The following HS3ST4 variants were observed in gnomAD, a reference collection of about 807,000 sequenced individuals.
HS3ST4 encodes heparan sulfate-glucosamine 3-sulfotransferase 4.
In HS3ST4, 17 loss-of-function variants were observed where a neutral mutation model predicts 29.2. The observed-to-expected ratio is 0.58, with a 90% CI of 0.40 to 0.87. The LOEUF (loss-of-function observed/expected upper bound fraction) is 0.87, where lower values mean the gene tolerates loss of function less well. HS3ST4 is among the 40% of genes least tolerant of loss of function. HS3ST4 has a pLI of 0.00. For synonymous variants in HS3ST4, 314 were observed against 285.7 expected (o/e 1.10, Z -1.00); for missense variants, 627 against 634.5 (o/e 0.99, Z 0.13).
At chr16:25,729,307 T>A (rs7196216) in intron 1 of HS3ST4, among the ~76,000 whole-genome samples, 29,306 of 152,048 alleles carry the variant, frequency 0.19, 3,616 homozygotes, top group East Asian at 0.54. Flanking sequence ...AATCTTGTGG[T>A]TTCCTGCATT....
chr16:26,073,914 A>G (rs111585933), intron 1 of HS3ST4, among the ~76,000 whole-genome samples: 3,400 of 152,292 alleles, frequency 0.022, 141 homozygotes, highest in African/African-American at 0.076. Context: ...TGAATAAGAC[A>G]AAGTGTAATT....
At chr16:25,767,810 G>A (rs1184856150) in intron 1 of HS3ST4, among the ~76,000 whole-genome samples, 2 of 152,202 alleles carry the variant, frequency 1.3e-5, no homozygotes, top group East Asian at 3.8e-4. Flanking sequence ...CCCATACTCA[G>A]GGTTGCACAG....
intron 1 of HS3ST4, among the ~76,000 whole-genome samples, chr16:26,094,065 A>G (rs1898893423): frequency 6.6e-6 from 1 of 152,194 alleles, no homozygotes; most frequent in African/African-American, 2.4e-5. Context: ...GGTTAGAGAG[A>G]AAAGAGTAAA....
At chr16:25,758,379 C>G (rs1179489940) in intron 1 of HS3ST4, among the ~76,000 whole-genome samples, 2 of 152,188 alleles carry the variant, frequency 1.3e-5, no homozygotes, top group Non-Finnish European at 2.9e-5. Context: ...ATTGCCATAG[C>G]TTTGTAGTTT....
At chr16:25,811,766 G>T (rs531252786) in intron 1 of HS3ST4, among the ~76,000 whole-genome samples, 2 of 152,008 alleles carry the variant, frequency 1.3e-5, no homozygotes, top group African/African-American at 4.8e-5. Context: ...TTACTTTATT[G>T]TAAGAATACA....
intron 1 of HS3ST4, among the ~76,000 whole-genome samples, chr16:25,819,453 C>A (rs890849939): frequency 2.6e-5 from 4 of 152,124 alleles, no homozygotes; most frequent in Non-Finnish European, 5.9e-5. Context: ...CAGATTTCCC[C>A]CTGGAAGTCT....
In HS3ST4 at chr16:26,135,640, C is replaced by G; in HGVS notation, c.763C>G (p.Gln255Glu). The G allele has an allele frequency of 6.2e-7, 1 of 1,609,352 alleles. No individual in the cohort carries two copies. The highest frequency in any genetic ancestry group is 1.1e-5 in the South Asian group (1 of 89,930). The part of the protein sequence containing the change: ...RNVMPKTLDG[Q>E]ITMEKTPSYF... ...TGTGATGCCCAAGACTTTGGATGGG[C>G]AAATAACCATGGAGAAGACTCCAAG... Residue 255 changes from glutamine to glutamate, a missense_variant, in exon 2 of 2, where the codon CAA (glutamine) becomes GAA (glutamate). Gln to Glu is a conservative substitution (Grantham distance 29). This residue lies in a region of HS3ST4 where 225 missense variants were observed against 293.7 expected (regional missense o/e 0.77). Transcript: ENST00000331351.
chr16:25,743,362 C>T (rs539652147), intron 1 of HS3ST4, among the ~76,000 whole-genome samples: 1 of 152,280 alleles, frequency 6.6e-6, no homozygotes, highest in East Asian at 1.9e-4. Flanking sequence ...ACATATAAAG[C>T]ACTCAGAATA....
chr16:26,136,090 G>T lies in HS3ST4; in HGVS notation c.1213G>T (p.Ala405Ser), dbSNP rs1333774695. Residue 405 changes from alanine to serine, a missense_variant, in exon 2 of 2, where the codon GCC becomes TCC. Coordinates refer to ENST00000331351, the MANE Select transcript of HS3ST4 (RefSeq NM_006040.3). ...CCTAAAGAAGCCAGAAGACAGCAGT[G>T]CCCCGAGGTGCTTAGGCAAGAGCAA... ...PCLKKPEDSS[A>S]PRCLGKSKGR... The T allele has an allele frequency of 1.2e-6, 2 of 1,613,708 alleles. No individual in the cohort carries two copies. Among genetic ancestry groups the T allele is most frequent in the Non-Finnish European group, 1.7e-6 (2 of 1,179,766 alleles).
At chr16:25,804,194 A>G (rs575212423) in intron 1 of HS3ST4, among the ~76,000 whole-genome samples, 1 of 152,218 alleles carries the variant, frequency 6.6e-6, no homozygotes, top group African/African-American at 2.4e-5. Context: ...AATATATTTT[A>G]TATTTCAGGA....
chr16:26,072,583 C>G (rs192584375), intron 1 of HS3ST4, among the ~76,000 whole-genome samples: 1 of 152,138 alleles, frequency 6.6e-6, no homozygotes, highest in African/African-American at 2.4e-5. Context: ...GTTTTTGCAC[C>G]CAAGACAACT....
intron 1 of HS3ST4, among the ~76,000 whole-genome samples, chr16:25,965,970 C>A (rs1373583592): frequency 6.6e-6 from 1 of 152,190 alleles, no homozygotes; most frequent in Non-Finnish European, 1.5e-5. Flanking sequence ...TGAACCATTG[C>A]ACCTGGCCCC....
chr16:25,810,511 C>T (rs1207981410), intron 1 of HS3ST4, among the ~76,000 whole-genome samples: 1 of 152,094 alleles, frequency 6.6e-6, no homozygotes, highest in East Asian at 1.9e-4. Flanking sequence ...TTCTCTGTTG[C>T]GTTTCTCTCT....
chr16:26,063,188 T>C (rs537679365), intron 1 of HS3ST4: 1 of 152,638 alleles, frequency 6.6e-6, no homozygotes, highest in South Asian at 2.1e-4. Flanking sequence ...GCTCATCCCA[T>C]GAATCTCTCC....
At chr16:25,738,053 T>C (rs1567230277) in intron 1 of HS3ST4, among the ~76,000 whole-genome samples, 1 of 152,024 alleles carries the variant, frequency 6.6e-6, no homozygotes, top group Non-Finnish European at 1.5e-5. Context: ...TACAGGCACG[T>C]GCCACCACGC....
chr16:26,061,655 G>A (rs1898477822), intron 1 of HS3ST4, among the ~76,000 whole-genome samples: 1 of 152,160 alleles, frequency 6.6e-6, no homozygotes. Flanking sequence ...TCTTAGCTCA[G>A]GAATAGGAAA....
rs1339935610 is a variant in HS3ST4 at position 26,017,638 on chromosome 16, CGTATCAGAAAG to C, written c.735-117969_735-117959del. Among the ~76,000 whole-genome samples, 3 of 152,212 alleles carry C rather than the reference CGTATCAGAAAG, an allele frequency of 2.0e-5. No individual in the cohort carries two copies. The East Asian group carries it at 5.8e-4, about 29-fold the overall frequency. ...ATTTACTGTTAAATGAGAATCCTCC[CGTATCAGAAAG>C]GTATTTCTTCAATATCAGTCATTAA... On this transcript the variant is annotated intron_variant, in intron 1 of 1. Coordinates refer to ENST00000331351, the MANE Select transcript of HS3ST4 (RefSeq NM_006040.3).
At chr16:25,811,422 CT>C (rs5816324) in intron 1 of HS3ST4, among the ~76,000 whole-genome samples, 31,754 of 128,852 alleles carry the variant, frequency 0.25, 3,532 homozygotes, top group African/African-American at 0.27. Context: ...TTTTCTTCTT[CT>C]TTTTTTTTTT....
intron 1 of HS3ST4, among the ~76,000 whole-genome samples, chr16:25,798,772 C>G (rs1041969183): frequency 1.3e-5 from 2 of 152,118 alleles, no homozygotes; most frequent in African/African-American, 2.4e-5. Context: ...TTCACGGCAC[C>G]CTCATTCTTT....
Sources: allele counts gnomAD v4.1 joint callset (sites outside exome capture counted in the v4.1 genomes callset), GRCh38; gene constraint gnomAD v4.1.1; regional missense constraint gnomAD v4.1.1; transcripts MANE v1.5; gene names NCBI Gene and HGNC (gene_info 2026-07-23, HGNC 2026-07-21).